Variants in CAST observed in about 807,000 individuals in gnomAD.
CAST encodes the protein calpastatin.
Under a neutral mutation model 119.6 loss-of-function variants are expected in CAST, and 76 were observed. The ratio of observed to expected loss-of-function variants is 0.64; its 90% CI spans 0.53 to 0.77. The LOEUF is 0.77. CAST is among the 30% of genes least tolerant of loss of function. The pLI is 0.00. For synonymous variants in CAST, 319 were observed against 331.6 expected (o/e 0.96, Z 0.41); for missense variants, 953 against 946.5 (o/e 1.01, Z -0.09).
At chr5:96,595,168 T>C (rs185687223) in intron 1 of CAST, among the ~76,000 whole-genome samples, 3 of 152,176 alleles carry the variant, frequency 2.0e-5, no homozygotes, top group Admixed American at 6.6e-5. Context: ...GAGCTGGCAA[T>C]GGACATGCAC....
chr5:96,410,465 C>G, the CAST span, among the ~76,000 whole-genome samples: 1 of 152,044 alleles, frequency 6.6e-6, no homozygotes, highest in East Asian at 1.9e-4. Context: ...AGGCTGTTTC[C>G]AGGGAGGCAT....
chr5:96,104,316 A>G, the CAST span, among the ~76,000 whole-genome samples: 3 of 152,190 alleles, frequency 2.0e-5, no homozygotes, highest in African/African-American at 7.2e-5. Flanking sequence ...CCCCATGCCT[A>G]TGTCCTGAAT....
At chr5:96,256,948 G>A in the CAST span, among the ~76,000 whole-genome samples, 1 of 152,142 alleles carries the variant, frequency 6.6e-6, no homozygotes, top group Non-Finnish European at 1.5e-5. Context: ...TCTTTTCCAT[G>A]CATGAGACAT....
At chr5:96,628,024 C>T (rs781251299) in intron 1 of CAST, among the ~76,000 whole-genome samples, 1 of 152,196 alleles carries the variant, frequency 6.6e-6, no homozygotes, top group African/African-American at 2.4e-5. Context: ...GAAATAAATG[C>T]CACCCTCTCT....
intron 11 of CAST, 62 bp downstream of exon 11, chr5:96,738,009 T>C: frequency 1.0e-6 from 1 of 953,470 alleles, no homozygotes. Context: ...AATAAGGCCA[T>C]GGTCATGAAG....
chr5:96,312,034 T>C, the CAST span, among the ~76,000 whole-genome samples: 2 of 152,130 alleles, frequency 1.3e-5, no homozygotes, highest in African/African-American at 4.8e-5. Context: ...TTGATGGTTT[T>C]CTGTAGTAAT....
intron 25 of CAST, among the ~76,000 whole-genome samples, chr5:96,763,756 T>A (rs1217457466): frequency 6.6e-6 from 1 of 152,214 alleles, no homozygotes; most frequent in Non-Finnish European, 1.5e-5. Context: ...CAGTGTTACA[T>A]ACACTGAAAG....
At chr5:96,010,130 C>G in the CAST span, among the ~76,000 whole-genome samples, 1 of 152,050 alleles carries the variant, frequency 6.6e-6, no homozygotes, top group African/African-American at 2.4e-5. Context: ...TCTGAGTTTT[C>G]TATTTTATTT....
chr5:96,107,070 T>TTTA, the CAST span, among the ~76,000 whole-genome samples: 1 of 142,830 alleles, frequency 7.0e-6, no homozygotes. Flanking sequence ...GTTTTCCATT[T>TTTA]GCTTGGTAGA....
chr5:96,508,331 G>A, the CAST span, among the ~76,000 whole-genome samples: 3 of 152,128 alleles, frequency 2.0e-5, no homozygotes, highest in African/African-American at 7.2e-5. Flanking sequence ...TTCACAATTG[G>A]ATTGGCTGCC....
the CAST span, among the ~76,000 whole-genome samples, chr5:96,017,605 T>C: frequency 6.6e-6 from 1 of 152,204 alleles, no homozygotes; most frequent in Non-Finnish European, 1.5e-5. Context: ...AACTGGTAGT[T>C]ATATAACACT....
chr5:96,749,877 G>A (rs1041197981), intron 19 of CAST, among the ~76,000 whole-genome samples: 8 of 152,132 alleles, frequency 5.3e-5, no homozygotes, highest in Non-Finnish European at 1.0e-4. Flanking sequence ...AAAATAAGAT[G>A]GGACAGTGGT....
upstream of CAST, among the ~76,000 whole-genome samples, chr5:96,528,921 G>A (rs1038097350): frequency 5.9e-5 from 9 of 152,138 alleles, no homozygotes; most frequent in Admixed American, 3.3e-4. Context: ...TTTCTTCCCC[G>A]AAGAAGTGAG....
At chr5:96,146,673 T>A in the CAST span, among the ~76,000 whole-genome samples, 1 of 152,250 alleles carries the variant, frequency 6.6e-6, no homozygotes, top group South Asian at 2.1e-4. Flanking sequence ...AGCAAACACA[T>A]TAACATACAG....
At chr5:96,342,201 A>G in the CAST span, among the ~76,000 whole-genome samples, 1 of 152,234 alleles carries the variant, frequency 6.6e-6, no homozygotes, top group Non-Finnish European at 1.5e-5. Context: ...CTCTGAGGAC[A>G]CATGGGAAGA....
chr5:96,616,079 T>G (rs1197969425), intron 1 of CAST, among the ~76,000 whole-genome samples: 1 of 148,536 alleles, frequency 6.7e-6, no homozygotes, highest in Non-Finnish European at 1.5e-5. Flanking sequence ...GCTGATTAGA[T>G]GGTGTTCGTG....
chr5:96,225,582 A>T, the CAST span, among the ~76,000 whole-genome samples: 1 of 152,106 alleles, frequency 6.6e-6, no homozygotes, highest in African/African-American at 2.4e-5. Flanking sequence ...ATATGTTGGA[A>T]ATTTTCTGAA....
chr5:96,109,802 A>C, the CAST span, among the ~76,000 whole-genome samples: 2 of 152,164 alleles, frequency 1.3e-5, no homozygotes, highest in Non-Finnish European at 2.9e-5. Context: ...TAAAAATACA[A>C]ATTATTTGGG....
chr5:96,256,906 T>C, the CAST span, among the ~76,000 whole-genome samples: 4 of 152,186 alleles, frequency 2.6e-5, no homozygotes, highest in Non-Finnish European at 5.9e-5. Flanking sequence ...ACCTGTTGGT[T>C]ATTTAATTGA....
Sources: gnomAD v4.1 joint callset for allele counts (sites outside exome capture counted in the v4.1 genomes callset) on GRCh38, gnomAD v4.1.1 for gene constraint, MANE v1.5 for transcripts, NCBI Gene and HGNC (gene_info 2026-07-23, HGNC 2026-07-21) for gene names.